Variants in VPS35L observed in about 807,000 individuals in gnomAD.
VPS35L encodes VPS35 endosomal protein sorting factor like, also known as VPS35 endosomal protein-sorting factor-like.
A neutral mutation model predicts 133.0 loss-of-function variants in VPS35L; 83 were observed. The observed-to-expected ratio is 0.62, with a 90% CI of 0.52 to 0.75. The LOEUF (loss-of-function observed/expected upper bound fraction) is 0.75. VPS35L is among the 30% of genes least tolerant of loss of function. The pLI, the probability that VPS35L is intolerant of heterozygous loss-of-function variation, is 0.00. For synonymous variants in VPS35L, 423 were observed against 449.9 expected (o/e 0.94, Z 0.76); for missense variants, 1,083 against 1,206.8 (o/e 0.90, Z 1.52).
chr16:19,626,458 C>A (rs779961627), intron 15 of VPS35L, among the ~76,000 whole-genome samples: 2 of 152,070 alleles, frequency 1.3e-5, no homozygotes, highest in Non-Finnish European at 2.9e-5. Flanking sequence ...ATCTGTAAAA[C>A]GGGAGTAATA....
chr16:19,564,091 T>TA (rs1971108437), intron 1 of VPS35L, among the ~76,000 whole-genome samples: 1 of 152,158 alleles, frequency 6.6e-6, no homozygotes, highest in Non-Finnish European at 1.5e-5. Context: ...TATATATATA[T>TA]TTTTTGAGAC....
At chr16:19,659,223 G>T (rs1199971476) in intron 26 of VPS35L, among the ~76,000 whole-genome samples, 1 of 152,104 alleles carries the variant, frequency 6.6e-6, no homozygotes, top group East Asian at 1.9e-4. Context: ...AACCTCAAAT[G>T]AGCTACTGCA....
intron 28 of VPS35L, among the ~76,000 whole-genome samples, chr16:19,684,674 A>G (rs73539587): frequency 1.3e-5 from 2 of 152,206 alleles, no homozygotes; most frequent in Non-Finnish European, 2.9e-5. Context: ...ACAATGTGAT[A>G]TACTCCAGGG....
intron 26 of VPS35L, among the ~76,000 whole-genome samples, chr16:19,667,289 A>G (rs1293545006): frequency 6.6e-6 from 1 of 152,052 alleles, no homozygotes; most frequent in Non-Finnish European, 1.5e-5. Flanking sequence ...TGGTCACAAG[A>G]TAGAAGACCC....
At chr16:19,695,896 A>AT (rs770219816) in intron 29 of VPS35L, among the ~76,000 whole-genome samples, 2,986 of 147,908 alleles carry the variant, frequency 0.02, 79 homozygotes, top group African/African-American at 0.071. Flanking sequence ...CTTTTATTTT[A>AT]TTTTTTTTTT....
intron 26 of VPS35L, among the ~76,000 whole-genome samples, chr16:19,665,491 T>C (rs572629145): frequency 1.3e-5 from 2 of 152,362 alleles, no homozygotes; most frequent in Admixed American, 6.5e-5. Context: ...GTTTCACCCA[T>C]GTTGTTGCAA....
intron 9 of VPS35L, among the ~76,000 whole-genome samples, chr16:19,603,589 A>AGC (rs1972454150): frequency 1.3e-5 from 2 of 152,036 alleles, no homozygotes; most frequent in Non-Finnish European, 2.9e-5. Flanking sequence ...ACCTGTGACG[A>AGC]TGTTTTTTCA....
intron 9 of VPS35L, among the ~76,000 whole-genome samples, chr16:19,606,977 A>G (rs1309118504): frequency 1.3e-5 from 2 of 152,144 alleles, no homozygotes; most frequent in Non-Finnish European, 2.9e-5. Context: ...ATTAATCCTA[A>G]AAGTATAAAA....
chr16:19,628,093 C>T (rs1039664221), intron 16 of VPS35L, among the ~76,000 whole-genome samples: 13 of 152,096 alleles, frequency 8.5e-5, no homozygotes, highest in African/African-American at 2.9e-4. Context: ...AGGCTGGGCA[C>T]GGTGGCTCAT....
intron 27 of VPS35L, among the ~76,000 whole-genome samples, chr16:19,675,884 G>C (rs1216733733): frequency 1.3e-5 from 2 of 151,994 alleles, no homozygotes; most frequent in Admixed American, 6.6e-5. Context: ...GCACTGTTTT[G>C]CTTTCCTACC....
intron 6 of VPS35L, among the ~76,000 whole-genome samples, chr16:19,580,232 G>C (rs1312705443): frequency 6.6e-6 from 1 of 151,598 alleles, no homozygotes; most frequent in Non-Finnish European, 1.5e-5. Context: ...TCCTGCCTCA[G>C]CCTCCCGAGT....
intron 1 of VPS35L, among the ~76,000 whole-genome samples, chr16:19,561,107 C>T (rs558213409): frequency 4.6e-5 from 7 of 152,180 alleles, no homozygotes; most frequent in African/African-American, 1.4e-4. Context: ...CAGTGGCTCA[C>T]GCCTGTAATC....
intron 12 of VPS35L, among the ~76,000 whole-genome samples, chr16:19,612,058 C>T (rs1317781334): frequency 6.6e-6 from 1 of 151,182 alleles, no homozygotes; most frequent in African/African-American, 2.4e-5. Flanking sequence ...TCTGCTGCAG[C>T]CTCCCGAGTA....
intron 12 of VPS35L, among the ~76,000 whole-genome samples, chr16:19,610,918 C>T (rs1258605101): frequency 6.6e-6 from 1 of 152,164 alleles, no homozygotes; most frequent in Non-Finnish European, 1.5e-5. Flanking sequence ...CTTGCCCATG[C>T]CCTGCTTTAA....
intron 26 of VPS35L, among the ~76,000 whole-genome samples, chr16:19,655,603 C>T (rs144664956): frequency 5.9e-5 from 9 of 152,270 alleles, no homozygotes; most frequent in African/African-American, 2.2e-4. Context: ...GGCAGGCTGG[C>T]GCAGGATGCT....
intron 27 of VPS35L, among the ~76,000 whole-genome samples, chr16:19,671,483 A>G (rs1170285022): frequency 8.3e-6 from 1 of 121,158 alleles, no homozygotes; most frequent in Non-Finnish European, 1.7e-5. Context: ...AAAAAAAAAA[A>G]TGTATTCCAA....
rs1971710468 is a variant in VPS35L at position 19,581,592 on chromosome 16, A to G, written c.578A>G (p.Gln193Arg). 1.2e-6 allele frequency: 2 copies of G among 1,614,004 alleles called. No individual in the cohort carries two copies. The highest frequency in any genetic ancestry group is 8.5e-7 in the Non-Finnish European group (1 of 1,179,990). Residue 193 changes from glutamine to arginine, a missense_variant, in exon 7 of 31, where the codon CAA becomes CGA. Transcript: ENST00000417362. ...GTGAACCGCATAGAGGAGCTCAACC[A>G]ATCGCTGAAGGATGCCTGGGCCTCA... is the stretch of plus-strand genomic sequence containing the variant. ...DYVNRIEELN[Q>R]SLKDAWASDQ...
At chr16:19,615,486 CT>C (rs1356562502) in intron 12 of VPS35L, among the ~76,000 whole-genome samples, 1 of 151,794 alleles carries the variant, frequency 6.6e-6, no homozygotes, top group Non-Finnish European at 1.5e-5. Context: ...CCCGTCTCTA[CT>C]AAAAATACAA....
At chr16:19,684,520 C>T (rs1353108531) in intron 28 of VPS35L, among the ~76,000 whole-genome samples, 2 of 152,142 alleles carry the variant, frequency 1.3e-5, no homozygotes, top group Non-Finnish European at 2.9e-5. Flanking sequence ...AGAATGATGG[C>T]GCCTACCCTG....
Sources: gnomAD v4.1 joint callset for allele counts (sites outside exome capture counted in the v4.1 genomes callset) on GRCh38, gnomAD v4.1.1 for gene constraint, MANE v1.5 for transcripts, NCBI Gene and HGNC (gene_info 2026-07-23, HGNC 2026-07-21) for gene names.